PHF21B: variants seen among roughly 807,000 people sequenced by gnomAD.
PHF21B encodes PHD finger protein 21B, also known as PHD finger protein 4.
In PHF21B, 22 loss-of-function variants were observed where a neutral mutation model predicts 62.2. The observed-to-expected ratio is 0.35, with a 90% CI of 0.25 to 0.51. The LOEUF is 0.51. Among genes scored for constraint, PHF21B ranks in the 20% least tolerant of loss-of-function variants. The pLI is 0.97. For missense variants in PHF21B, 701 were observed against 707.9 expected, an observed-to-expected ratio of 0.99 and a Z score of 0.11; for synonymous variants, 341 against 314.7, an observed-to-expected ratio of 1.08 and a Z score of -0.88.
At chr22:44,953,810 T>C (rs2072240721) in intron 2 of PHF21B, among the ~76,000 whole-genome samples, 1 of 152,254 alleles carries the variant, frequency 6.6e-6, no homozygotes. Flanking sequence ...CTAAATACTA[T>C]TTTAAGCATT....
chr22:44,972,956 C>T (rs1328256056), intron 2 of PHF21B, among the ~76,000 whole-genome samples: 1 of 152,192 alleles, frequency 6.6e-6, no homozygotes, highest in Admixed American at 6.5e-5. Flanking sequence ...AGGAGGCACA[C>T]CCTCCCCGCC....
At chr22:44,911,030 T>C (rs1195729914) in intron 5 of PHF21B, among the ~76,000 whole-genome samples, 1 of 152,154 alleles carries the variant, frequency 6.6e-6, no homozygotes, top group African/African-American at 2.4e-5. Flanking sequence ...GGAGCAAAGG[T>C]GACTCTTGTT....
chr22:44,887,853 AG>A (rs1323011861), intron 10 of PHF21B, 109 bp downstream of exon 10: 1 of 1,191,362 alleles, frequency 8.4e-7, no homozygotes. Flanking sequence ...AGGTTGAAAA[AG>A]CCTTCCTATA....
chr22:44,927,540 C>A (rs556069628), intron 2 of PHF21B, among the ~76,000 whole-genome samples: 10 of 152,274 alleles, frequency 6.6e-5, no homozygotes, highest in African/African-American at 2.2e-4. Context: ...CCCCTCCTCA[C>A]CGCCCTGGGG....
chr22:44,913,942 T>A lies in PHF21B; in HGVS notation c.711A>T (p.Gln237His). The A allele has an allele frequency of 6.2e-7, 1 of 1,613,246 alleles. No homozygotes were observed. Among genetic ancestry groups the A allele is most frequent in the Non-Finnish European group, 8.5e-7 (1 of 1,179,814 alleles). ...GIFQVIIIQP[Q>H]VQTQPESTAE... ...CCGTGCTCTCGGGCTGCGTCTGCAC[T>A]TGAGGCTGAATGATGATGACCTGGA... Residue 237 changes from glutamine (Q) to histidine (H), a missense_variant, in exon 5 of 13, where the codon CAA (glutamine) becomes CAT (histidine). Coordinates refer to ENST00000313237, the MANE Select transcript of PHF21B (RefSeq NM_138415.5).
intron 2 of PHF21B, among the ~76,000 whole-genome samples, chr22:44,936,262 A>G (rs2147351598): frequency 6.6e-6 from 1 of 152,268 alleles, no homozygotes; most frequent in South Asian, 2.1e-4. Context: ...CTCCCTGGCC[A>G]TGTCCAGTGG....
At chr22:44,900,034 C>T (rs1290672895) in intron 5 of PHF21B, among the ~76,000 whole-genome samples, 1 of 152,176 alleles carries the variant, frequency 6.6e-6, no homozygotes, top group Admixed American at 6.5e-5. Context: ...TTTTCTGATT[C>T]ATTTAAAGTC....
intron 2 of PHF21B, among the ~76,000 whole-genome samples, chr22:44,983,372 AG>A (rs2072878193): frequency 6.6e-6 from 1 of 152,104 alleles, no homozygotes; most frequent in South Asian, 2.1e-4. Flanking sequence ...GGTGGCTCTT[AG>A]GGAGGTCCAG....
At chr22:44,924,662 C>G (rs12170358) in intron 2 of PHF21B, among the ~76,000 whole-genome samples, 3,046 of 152,322 alleles carry the variant, frequency 0.02, 112 homozygotes, top group African/African-American at 0.07. Context: ...AATCTGCTGG[C>G]ACCTTGATCT....
At chr22:44,939,993 C>G (rs977125528) in intron 2 of PHF21B, among the ~76,000 whole-genome samples, 4 of 152,082 alleles carry the variant, frequency 2.6e-5, no homozygotes, top group African/African-American at 9.7e-5. Flanking sequence ...GTGGGGACAA[C>G]AATAAAGTCC....
intron 2 of PHF21B, among the ~76,000 whole-genome samples, chr22:44,948,584 G>A (rs2072126049): frequency 6.6e-6 from 1 of 152,054 alleles, no homozygotes; most frequent in Non-Finnish European, 1.5e-5. Flanking sequence ...CCAGATACTT[G>A]GGAGGCTGAG....
chr22:44,923,949 TGCA>T (rs2071583362), intron 2 of PHF21B, among the ~76,000 whole-genome samples: 1 of 151,304 alleles, frequency 6.6e-6, no homozygotes, highest in African/African-American at 2.4e-5. Context: ...AGGTTGAGGC[TGCA>T]GTGAGCCATG....
At chr22:44,923,961 T>C (rs549705806) in intron 2 of PHF21B, among the ~76,000 whole-genome samples, 19 of 150,640 alleles carry the variant, frequency 1.3e-4, no homozygotes, top group Admixed American at 1.0e-3. Context: ...CAGTGAGCCA[T>C]GATTGCACCA....
rs773755003 is a variant in PHF21B at position 44,971,651 on chromosome 22, T to C, written c.120+36894A>G. On this transcript the variant is annotated intron_variant, in intron 2 of 12. Coordinates refer to ENST00000313237, the MANE Select transcript of PHF21B (RefSeq NM_138415.5). ...CCTGGCCCTTGGGCGGCTCTCTCTCTCCCTTCCCAGAAAACTTAGCCCTCC... is the reference window on the plus strand; with the variant it reads ...CCTGGCCCTTGGGCGGCTCTCTCTCCCCCTTCCCAGAAAACTTAGCCCTCC... 8.1e-3 allele frequency among the ~76,000 whole-genome samples: 1,227 copies of C among 152,280 alleles called. 9 individuals carry two copies. The highest frequency in any genetic ancestry group is 0.012 in the Non-Finnish European group (846 of 68,016).
intron 3 of PHF21B, among the ~76,000 whole-genome samples, chr22:44,918,113 C>G (rs1246541041): frequency 6.6e-6 from 1 of 152,250 alleles, no homozygotes; most frequent in Non-Finnish European, 1.5e-5. Context: ...ATACCAAAGG[C>G]TTTAAAAAAT....
Position 44,882,994 on chromosome 22 carries a change from T to G in PHF21B, c.*92A>C. On this transcript the variant is annotated 3_prime_UTR_variant, in exon 13 of 13. Coordinates refer to ENST00000313237, the MANE Select transcript of PHF21B (RefSeq NM_138415.5). ...CTGGTTAATTTTTGTCTGAAATTCATAGTGTTTATGAATTAAGGCCGACAG... is the reference window on the plus strand; with the variant it reads ...CTGGTTAATTTTTGTCTGAAATTCAGAGTGTTTATGAATTAAGGCCGACAG... 7.3e-7 allele frequency: 1 copy of G among 1,362,774 alleles called. No individual in the cohort carries two copies. Among genetic ancestry groups the G allele is most frequent in the Non-Finnish European group, 9.9e-7 (1 of 1,005,408 alleles). The allele number at this position is 1,362,774 out of a possible 1,614,324, so 84.4% of individuals were successfully genotyped here.
chr22:44,983,003 G>T (rs949579612), intron 2 of PHF21B, among the ~76,000 whole-genome samples: 2 of 152,166 alleles, frequency 1.3e-5, no homozygotes, highest in Non-Finnish European at 2.9e-5. Flanking sequence ...CAGCACTTTG[G>T]GAGACCGAGG....
chr22:44,913,785 G>T, intron 5 of PHF21B, 37 bp downstream of exon 5: 1 of 1,589,920 alleles, frequency 6.3e-7, no homozygotes, highest in South Asian at 1.2e-5. Context: ...CCTGCAGACT[G>T]AGCAGGGCCT....
chr22:44,921,264 C>T (rs185797073), intron 2 of PHF21B, among the ~76,000 whole-genome samples: 58 of 152,298 alleles, frequency 3.8e-4, no homozygotes, highest in African/African-American at 1.4e-3. Flanking sequence ...GGCCCACACG[C>T]GTACAGGAGA....
Sources: allele counts gnomAD v4.1 joint callset (sites outside exome capture counted in the v4.1 genomes callset), GRCh38; gene constraint gnomAD v4.1.1; transcripts MANE v1.5; gene names NCBI Gene and HGNC (gene_info 2026-07-23, HGNC 2026-07-21).